RBMS3: variants seen among roughly 807,000 people sequenced by gnomAD.
The protein encoded by RBMS3 is RNA binding motif single stranded interacting protein 3.
RBMS3 carries 27 observed loss-of-function variants against 66.8 expected under a neutral mutation model. The ratio of observed to expected loss-of-function variants is 0.40; its 90% CI spans 0.30 to 0.56. The LOEUF (loss-of-function observed/expected upper bound fraction) is 0.56, where lower values mean the gene tolerates loss of function less well. RBMS3 is among the 20% of genes least tolerant of loss of function. The pLI is 0.40. For missense variants in RBMS3, 513 were observed against 549.5 expected (o/e 0.93, Z 0.66); for synonymous variants, 188 against 183.0 (o/e 1.03, Z -0.22).
rs76276241 is a variant in RBMS3, at chr3:29,484,005, G to A, written c.249-4436G>A. Among the ~76,000 whole-genome samples, 778 of 152,318 alleles carry A rather than the reference G, an allele frequency of 5.1e-3. 6 individuals carry two copies. The highest frequency in any genetic ancestry group is 0.018 in the African/African-American group (748 of 41,576). ...ACACTGCCCAGATTACAAGACCAAGGACCAGGTTCTGGATTATTTGTTGTC... is the reference window on the plus strand; with the variant it reads ...ACACTGCCCAGATTACAAGACCAAGAACCAGGTTCTGGATTATTTGTTGTC... On this transcript the variant is annotated intron_variant, in intron 2 of 14. Coordinates refer to ENST00000383767, the MANE Select transcript of RBMS3 (RefSeq NM_001003793.3).
intron 10 of RBMS3, among the ~76,000 whole-genome samples, chr3:29,933,012 T>C (rs1325712761): frequency 1.3e-5 from 2 of 152,210 alleles, no homozygotes; most frequent in Non-Finnish European, 2.9e-5. Flanking sequence ...CATTGTACAA[T>C]ATTTTTCTTT....
chr3:29,408,233 C>T (rs1468023134), intron 1 of RBMS3, among the ~76,000 whole-genome samples: 4 of 139,012 alleles, frequency 2.9e-5, no homozygotes, highest in Admixed American at 2.4e-4. Flanking sequence ...GATTGCGCCA[C>T]TGCACTCCAG....
At chr3:29,709,362 G>A (rs1018574060) in intron 4 of RBMS3, among the ~76,000 whole-genome samples, 22 of 152,194 alleles carry the variant, frequency 1.4e-4, no homozygotes, top group African/African-American at 4.6e-4. Flanking sequence ...GAAATGTTCC[G>A]TGAATGAGTC....
chr3:29,679,952 T>G (rs1269138478), intron 4 of RBMS3, among the ~76,000 whole-genome samples: 1 of 152,028 alleles, frequency 6.6e-6, no homozygotes, highest in Admixed American at 6.6e-5. Context: ...GAAGTGTGAT[T>G]TAGAATTGGA....
chr3:29,478,703 A>C (rs1208065605), intron 2 of RBMS3, among the ~76,000 whole-genome samples: 1 of 152,232 alleles, frequency 6.6e-6, no homozygotes. Context: ...CAGGATTTTC[A>C]GAATCAGATT....
chr3:29,527,964 T>A (rs1004143746), intron 3 of RBMS3, among the ~76,000 whole-genome samples: 1 of 151,922 alleles, frequency 6.6e-6, no homozygotes, highest in Non-Finnish European at 1.5e-5. Flanking sequence ...ATAGCAGATA[T>A]AATCTAAAAA....
At chr3:29,483,871 G>C (rs1485142924) in intron 2 of RBMS3, among the ~76,000 whole-genome samples, 1 of 152,084 alleles carries the variant, frequency 6.6e-6, no homozygotes, top group Non-Finnish European at 1.5e-5. Flanking sequence ...TAAGGTATTA[G>C]CCCGAAATAG....
At chr3:29,847,640 G>A (rs1467044741) in intron 6 of RBMS3, among the ~76,000 whole-genome samples, 3 of 148,308 alleles carry the variant, frequency 2.0e-5, no homozygotes, top group Non-Finnish European at 4.4e-5. Flanking sequence ...CCAATTTTGT[G>A]TTTTATTTTT....
At chr3:29,346,109 T>C (rs1213027776) in intron 1 of RBMS3, among the ~76,000 whole-genome samples, 21 of 152,212 alleles carry the variant, frequency 1.4e-4, no homozygotes, top group Admixed American at 1.3e-3. Context: ...ACAAAGGGAA[T>C]ACTTGCATAG....
intron 2 of RBMS3, among the ~76,000 whole-genome samples, chr3:29,465,096 A>G (rs1241184200): frequency 6.6e-6 from 1 of 152,218 alleles, no homozygotes; most frequent in Non-Finnish European, 1.5e-5. Flanking sequence ...ATCTAGTGCA[A>G]TCTCATTTCT....
intron 6 of RBMS3, among the ~76,000 whole-genome samples, chr3:29,779,397 C>T (rs2056542601): frequency 6.6e-6 from 1 of 151,412 alleles, no homozygotes; most frequent in Non-Finnish European, 1.5e-5. Flanking sequence ...ATGTCAGACC[C>T]ATATTTTCTC....
intron 1 of RBMS3, among the ~76,000 whole-genome samples, chr3:29,357,611 G>C (rs1468614878): frequency 6.6e-6 from 1 of 152,152 alleles, no homozygotes; most frequent in Non-Finnish European, 1.5e-5. Flanking sequence ...CTAGATCCCT[G>C]AGGAATTGCC....
chr3:29,404,104 C>A (rs1432054327), intron 1 of RBMS3, among the ~76,000 whole-genome samples: 3 of 152,112 alleles, frequency 2.0e-5, no homozygotes, highest in Non-Finnish European at 4.4e-5. Context: ...ATTGAATTTT[C>A]ATTTTCAACC....
Position 29,873,357 on chromosome 3 carries a change from A to G in RBMS3, c.744+4393A>G, listed in dbSNP as rs2059536737. On this transcript the variant is annotated intron_variant, in intron 7 of 14. Coordinates refer to ENST00000383767, the MANE Select transcript of RBMS3 (RefSeq NM_001003793.3). ...TTTATTCTTTTTGTGGCAATCGTGA[A>G]TGGGATTGCCTTCCTGATTTGGCTC... Among the ~76,000 whole-genome samples the G allele has an allele frequency of 2.0e-5, 3 of 152,204 alleles. 1 individual carries two copies. Among genetic ancestry groups the G allele is most frequent in the South Asian group, 4.1e-4 (2 of 4,830 alleles).
chr3:29,764,124 G>A (rs202136471), intron 6 of RBMS3, among the ~76,000 whole-genome samples: 2 of 42,408 alleles, frequency 4.7e-5, no homozygotes, highest in African/African-American at 3.1e-4. Context: ...CTTTTTTTAA[G>A]GGGGGATGTC....
intron 8 of RBMS3, among the ~76,000 whole-genome samples, chr3:29,893,397 T>C (rs1461420807): frequency 1.3e-5 from 2 of 151,586 alleles, no homozygotes; most frequent in African/African-American, 4.8e-5. Context: ...CAATCCAATC[T>C]TTATTGCTTT....
At chr3:29,382,663 T>G (rs926102705) in intron 1 of RBMS3, among the ~76,000 whole-genome samples, 6 of 152,192 alleles carry the variant, frequency 3.9e-5, no homozygotes. Flanking sequence ...AATACCAAAA[T>G]TATGAAGTCA....
chr3:29,292,415 A>G (rs2032892543), intron 1 of RBMS3, among the ~76,000 whole-genome samples: 1 of 151,854 alleles, frequency 6.6e-6, no homozygotes, highest in Non-Finnish European at 1.5e-5. Flanking sequence ...TCTTACCAAA[A>G]TAGAAATAAC....
intron 10 of RBMS3, among the ~76,000 whole-genome samples, chr3:29,909,207 A>T (rs1236295316): frequency 6.6e-6 from 1 of 152,154 alleles, no homozygotes; most frequent in African/African-American, 2.4e-5. Context: ...ACTTTCACGC[A>T]GTCAAATCTG....
Sources: allele counts gnomAD v4.1 joint callset (sites outside exome capture counted in the v4.1 genomes callset), GRCh38; gene constraint gnomAD v4.1.1; transcripts MANE v1.5; gene names NCBI Gene and HGNC (gene_info 2026-07-23, HGNC 2026-07-21).